Variants in PRIM2 observed in about 807,000 individuals in gnomAD.
The protein encoded by PRIM2 is DNA primase large subunit.
Under a neutral mutation model 67.3 loss-of-function variants are expected in PRIM2, and 39 were observed. The observed-to-expected ratio is 0.58, with a 90% CI of 0.45 to 0.76. The LOEUF is 0.76. Among genes scored for constraint, PRIM2 ranks in the 30% least tolerant of loss-of-function variants. The probability of loss-of-function intolerance (pLI) is 0.00; values close to 1 mark genes in which losing one functional copy is unlikely to be tolerated. For synonymous variants in PRIM2, 143 were observed against 198.7 expected (o/e 0.72, Z 2.36); for missense variants, 398 against 598.7 (o/e 0.66, Z 3.50).
intron 5 of PRIM2, among the ~76,000 whole-genome samples, chr6:57,378,063 C>G (rs1179590705): frequency 6.6e-6 from 1 of 150,784 alleles, no homozygotes; most frequent in South Asian, 2.1e-4. Context: ...TCTTCTTCTT[C>G]TTCTTTTTTT....
intron 5 of PRIM2, among the ~76,000 whole-genome samples, chr6:57,351,962 T>C (rs1328062295): frequency 3.3e-5 from 5 of 152,196 alleles, no homozygotes; most frequent in African/African-American, 1.2e-4. Context: ...AGGAAAATTA[T>C]AGTATCTCCT....
chr6:57,391,735 T>C (rs1770352632), intron 7 of PRIM2, among the ~76,000 whole-genome samples: 1 of 152,174 alleles, frequency 6.6e-6, no homozygotes, highest in Non-Finnish European at 1.5e-5. Flanking sequence ...CTTGTTTTTG[T>C]ACCTGTACCA....
At chr6:57,590,966 A>G (rs1776272604) in intron 10 of PRIM2, among the ~76,000 whole-genome samples, 3 of 152,344 alleles carry the variant, frequency 2.0e-5, no homozygotes, top group Admixed American at 1.3e-4. Flanking sequence ...AGTAGAGACA[A>G]TATTTAAACT....
At chr6:57,338,690 T>C (rs1257841203) in intron 5 of PRIM2, among the ~76,000 whole-genome samples, 3 of 145,762 alleles carry the variant, frequency 2.1e-5, no homozygotes, top group Non-Finnish European at 4.5e-5. Context: ...AATTAGGTAT[T>C]GATGGGACGT....
chr6:57,396,248 T>C (rs545531027), intron 7 of PRIM2, among the ~76,000 whole-genome samples: 3 of 152,318 alleles, frequency 2.0e-5, no homozygotes, highest in African/African-American at 7.2e-5. Context: ...GTGCTATCAG[T>C]GGGGTATTGA....
At chr6:57,641,319 A>G (rs1777228881) in intron 13 of PRIM2, among the ~76,000 whole-genome samples, 2 of 152,190 alleles carry the variant, frequency 1.3e-5, no homozygotes, top group Non-Finnish European at 2.9e-5. Flanking sequence ...CAATCAGGAC[A>G]TAGGCATGGG....
At chr6:57,290,466 G>C in the PRIM2 span, among the ~76,000 whole-genome samples, 1 of 152,150 alleles carries the variant, frequency 6.6e-6, no homozygotes, top group African/African-American at 2.4e-5. Flanking sequence ...GGTTAGCAAG[G>C]ATATCCAGGA....
the PRIM2 span, among the ~76,000 whole-genome samples, chr6:57,231,150 A>T: frequency 6.6e-6 from 1 of 152,212 alleles, no homozygotes; most frequent in East Asian, 1.9e-4. Context: ...CTTTCCAGAA[A>T]GTCCACTGGA....
At chr6:57,278,387 G>A in the PRIM2 span, among the ~76,000 whole-genome samples, 1 of 152,084 alleles carries the variant, frequency 6.6e-6, no homozygotes, top group Non-Finnish European at 1.5e-5. Context: ...AGGGCACTAG[G>A]AAGTCTGTTA....
chr6:57,579,798 TG>T (rs1776047747), intron 10 of PRIM2, among the ~76,000 whole-genome samples: 1 of 152,034 alleles, frequency 6.6e-6, no homozygotes, highest in African/African-American at 2.4e-5. Flanking sequence ...AAGGTGGGCA[TG>T]GGGAGGGAGG....
chr6:57,519,690 C>T (rs1179988390), intron 8 of PRIM2, among the ~76,000 whole-genome samples: 2 of 152,054 alleles, frequency 1.3e-5, no homozygotes, highest in Non-Finnish European at 2.9e-5. Context: ...GGTCCTGAGG[C>T]GACATCCTCC....
At chr6:57,456,549 C>T (rs1192064924) in intron 7 of PRIM2, among the ~76,000 whole-genome samples, 1 of 152,208 alleles carries the variant, frequency 6.6e-6, no homozygotes, top group Non-Finnish European at 1.5e-5. Context: ...TTTTCCATCA[C>T]TAATACCCTT....
intron 7 of PRIM2, among the ~76,000 whole-genome samples, chr6:57,412,567 C>T (rs57962199): frequency 4.6e-5 from 7 of 151,700 alleles, no homozygotes; most frequent in Admixed American, 2.6e-4. Flanking sequence ...ACATGATATA[C>T]GAGAAGAGCT....
intron 5 of PRIM2, among the ~76,000 whole-genome samples, chr6:57,373,989 C>G (rs1279721788): frequency 6.6e-6 from 1 of 152,076 alleles, no homozygotes; most frequent in African/African-American, 2.4e-5. Context: ...TGAAGAACGT[C>G]AGTGGTAGTT....
At chr6:57,493,876 C>A (rs1554346169) in intron 7 of PRIM2, 1 of 152,042 alleles carries the variant, frequency 6.6e-6, no homozygotes, top group Non-Finnish European at 1.5e-5. Context: ...AACATGAAGA[C>A]GTCAAGTATA....
intron 3 of PRIM2, 123 bp from the exon 4 acceptor site, chr6:57,324,078 C>T: frequency 1.7e-6 from 1 of 593,596 alleles, no homozygotes; most frequent in Non-Finnish European, 3.0e-6. Flanking sequence ...AGCAAGACCC[C>T]ATCTCTAAAA....
At chr6:57,620,385 T>C (rs1776830442) in intron 12 of PRIM2, among the ~76,000 whole-genome samples, 1 of 152,068 alleles carries the variant, frequency 6.6e-6, no homozygotes, top group Non-Finnish European at 1.5e-5. Flanking sequence ...CCCTATAAGC[T>C]AGAAGGGATT....
intron 5 of PRIM2, among the ~76,000 whole-genome samples, chr6:57,349,437 C>T (rs1021254030): frequency 6.7e-6 from 1 of 150,140 alleles, no homozygotes; most frequent in African/African-American, 2.5e-5. Flanking sequence ...TTATGTATGC[C>T]ACTATTTTTT....
chr6:57,576,076 C>G (rs1775959489), intron 10 of PRIM2, among the ~76,000 whole-genome samples: 1 of 152,234 alleles, frequency 6.6e-6, no homozygotes, highest in East Asian at 1.9e-4. Context: ...CCATGCCCAG[C>G]CTAAATTGTC....
Sources: gnomAD v4.1 joint callset for allele counts (sites outside exome capture counted in the v4.1 genomes callset) on GRCh38, gnomAD v4.1.1 for gene constraint, MANE v1.5 for transcripts, NCBI Gene and HGNC (gene_info 2026-07-23, HGNC 2026-07-21) for gene names.